CFAP298: variants seen among roughly 807,000 people sequenced by gnomAD.
CFAP298 encodes cilia- and flagella-associated protein 298.
A neutral mutation model predicts 41.0 loss-of-function variants in CFAP298; 38 were observed. The ratio of observed to expected loss-of-function variants is 0.93; its 90% CI spans 0.72 to 1.22. The LOEUF (loss-of-function observed/expected upper bound fraction) is 1.22. Among genes scored for constraint, CFAP298 ranks in the 50% most tolerant of loss-of-function variants. The probability of loss-of-function intolerance (pLI) is 0.00; values close to 1 mark genes in which losing one functional copy is unlikely to be tolerated. For missense variants in CFAP298, 348 were observed against 360.3 expected (o/e 0.97, Z 0.28); for synonymous variants, 137 against 135.3 (o/e 1.01, Z -0.09).
intron 3 of CFAP298, among the ~76,000 whole-genome samples, chr21:32,604,995 A>G (rs1171663955): frequency 6.6e-6 from 1 of 152,254 alleles, no homozygotes; most frequent in Non-Finnish European, 1.5e-5. Flanking sequence ...CCTGGCCAAC[A>G]TGGCAAAGCC....
At chr21:32,602,765 C>T (rs898668676) in intron 5 of CFAP298, 8 of 1,313,494 alleles carry the variant, frequency 6.1e-6, no homozygotes, top group Non-Finnish European at 7.7e-6. Context: ...GGTTACAGCG[C>T]TACACGATGT....
At position 32,600,541 on chromosome 21, in the gene CFAP298, C is replaced by T. The variant is rs543149207; in HGVS notation, c.*1322G>A. 2.7e-5 allele frequency among the ~76,000 whole-genome samples: 4 copies of T among 149,532 alleles called. No individual in the cohort carries two copies. In the East Asian group the frequency reaches 7.7e-4, roughly 29 times the overall value. On this transcript the variant is annotated 3_prime_UTR_variant, in exon 7 of 7. Coordinates refer to ENST00000290155, the MANE Select transcript of CFAP298 (RefSeq NM_021254.4). The stretch of plus-strand genomic sequence containing the variant: ...ACCAAGTTCCCTCTAACCAGGAGAA[C>T]AGGACCCTAGGCACCAAAAGTCAAG...
intron 5 of CFAP298, 139 bp from the exon 6 acceptor site, chr21:32,602,506 G>A: frequency 6.9e-7 from 1 of 1,445,592 alleles, no homozygotes; most frequent in African/African-American, 1.4e-5. Context: ...CACCCGAAGT[G>A]AAGCATCAAG....
chr21:32,600,611 C>T lies in CFAP298; in HGVS notation c.*1252G>A, dbSNP rs946305397. Among the ~76,000 whole-genome samples the T allele has an allele frequency of 1.3e-5, 2 of 148,756 alleles. No homozygotes were observed. The highest frequency in any genetic ancestry group is 3.0e-5 in the Non-Finnish European group (2 of 67,034). Reference sequence around the variant, plus strand: ...CAGTCTGGCAGGTGTCTTTCAGATGCTAAAGTGCCAGGGTTTGCAGGATAC... The same window carrying T: ...CAGTCTGGCAGGTGTCTTTCAGATGTTAAAGTGCCAGGGTTTGCAGGATAC... On this transcript the variant is annotated 3_prime_UTR_variant, in exon 7 of 7. Transcript: ENST00000290155.
intron 5 of CFAP298, chr21:32,602,725 G>A: frequency 1.6e-6 from 2 of 1,253,076 alleles, no homozygotes; most frequent in Non-Finnish European, 2.0e-6. Context: ...AGTGACGTAG[G>A]AGCACCCACA....
At chr21:32,602,474 A>G in intron 5 of CFAP298, 107 bp from the exon 6 acceptor site, 2 of 1,482,526 alleles carry the variant, frequency 1.3e-6, no homozygotes, top group Non-Finnish European at 8.9e-7. Context: ...TACTAAAGAT[A>G]AACAGGTCCC....
rs564917513 is a variant in CFAP298, at chr21:32,601,498, C to T, written c.*365G>A. Among the ~76,000 whole-genome samples, 7 of 151,968 alleles carry T rather than the reference C, an allele frequency of 4.6e-5. No individual in the cohort carries two copies. In the South Asian group the frequency reaches 1.2e-3, roughly 27 times the overall value. On this transcript the variant is annotated 3_prime_UTR_variant, in exon 7 of 7. Transcript: ENST00000290155. Reference sequence around the variant, plus strand: ...ATTTTTAGTAGAGACGGGGTTTCACCGTGTTAGCCTGGATGGTCTTGATCT... The same window carrying T: ...ATTTTTAGTAGAGACGGGGTTTCACTGTGTTAGCCTGGATGGTCTTGATCT...
rs1342922630 is a variant in CFAP298 at position 32,612,190 on chromosome 21, C to A, written c.54G>T (p.Ala18=). ...GCTCCTCCAGCTCGGTACTCCCAGG[C>A]GCCTGCAGCAGGAACTGGCTCTCGT... ...RGDESQFLLQ[A]PGSTELEELT... Residue 18 remains alanine (A), a synonymous_variant, in exon 1 of 7, where the codon GCG becomes GCT. Coordinates refer to ENST00000290155, the MANE Select transcript of CFAP298 (RefSeq NM_021254.4). 2 of 1,606,466 alleles carry A rather than the reference C, an allele frequency of 1.2e-6. No homozygotes were observed. Among genetic ancestry groups the A allele is most frequent in the South Asian group, 1.1e-5 (1 of 89,500 alleles).
chr21:32,604,056 G>T lies in CFAP298; in HGVS notation c.534+69C>A. 3.5e-6 allele frequency: 5 copies of T among 1,438,502 alleles called. No individual in the cohort carries two copies. The South Asian group carries it at 6.0e-5, about 17-fold the overall frequency. The allele number at this position is 1,438,502 out of a possible 1,614,324, so 89.1% of individuals were successfully genotyped here. ...GCAAAACACTACATCCAGAAGAGGG[G>T]CATCAAATCTTAAGGGCTTTGGGGG... is the stretch of plus-strand genomic sequence containing the variant. On this transcript the variant is annotated intron_variant, in intron 4 of 6. Transcript: ENST00000290155.
chr21:32,605,161 A>G (rs964763096), intron 3 of CFAP298, among the ~76,000 whole-genome samples: 3 of 152,204 alleles, frequency 2.0e-5, no homozygotes, highest in Non-Finnish European at 4.4e-5. Flanking sequence ...CTTGGGCAAC[A>G]GAATAAGACT....
At chr21:32,609,432 A>G (rs1183631934) in intron 2 of CFAP298, among the ~76,000 whole-genome samples, 1 of 152,228 alleles carries the variant, frequency 6.6e-6, no homozygotes, top group Non-Finnish European at 1.5e-5. Flanking sequence ...GGAGCTACAG[A>G]GTACAGTATT....
intron 3 of CFAP298, among the ~76,000 whole-genome samples, chr21:32,607,203 AC>A (rs2038883977): frequency 6.6e-6 from 1 of 152,162 alleles, no homozygotes; most frequent in Non-Finnish European, 1.5e-5. Flanking sequence ...GCTACAGCCT[AC>A]CCCAAATACG....
intron 4 of CFAP298, 39 bp downstream of exon 4, chr21:32,604,086 G>A: frequency 6.3e-7 from 1 of 1,597,434 alleles, no homozygotes; most frequent in African/African-American, 1.3e-5. Flanking sequence ...TGGGGGCCAG[G>A]AACTCAACCT....
chr21:32,612,161 G>A lies in CFAP298; in HGVS notation c.83C>T (p.Thr28Met). The A allele has an allele frequency of 6.3e-7, 1 of 1,592,972 alleles. No individual in the cohort carries two copies. Among genetic ancestry groups the A allele is most frequent in the Non-Finnish European group, 8.5e-7 (1 of 1,170,362 alleles). Residue 28 changes from threonine (T) to methionine (M), a missense_variant, in exon 1 of 7, where the codon ACG becomes ATG. Transcript: ENST00000290155. ...ATTATAGACCCGGGCCACCTGCACCGTGAGCTCCTCCAGCTCGGTACTCCC... is the reference window on the plus strand; with the variant it reads ...ATTATAGACCCGGGCCACCTGCACCATGAGCTCCTCCAGCTCGGTACTCCC... ...APGSTELEEL[T>M]VQVARVYNGR...
chr21:32,601,707 A>C lies in CFAP298; in HGVS notation c.*156T>G. On this transcript the variant is annotated 3_prime_UTR_variant, in exon 7 of 7. Coordinates refer to ENST00000290155, the MANE Select transcript of CFAP298 (RefSeq NM_021254.4). ...GTATTTATTAAGTTCTAAAACCTTG[A>C]ATAACTGCTATTTTAAAAATTCACA... 1.8e-6 allele frequency: 1 copy of C among 566,556 alleles called. No individual in the cohort carries two copies. Among genetic ancestry groups the C allele is most frequent in the Middle Eastern group, 4.7e-4 (1 of 2,126 alleles). The allele number at this position is 566,556 out of a possible 1,614,324, so 35.1% of individuals were successfully genotyped here.
In CFAP298 at chr21:32,604,181, G is replaced by A. The variant is rs2038814637; in HGVS notation, c.478C>T (p.Pro160Ser). The A allele has an allele frequency of 6.2e-7, 1 of 1,614,122 alleles. No homozygotes were observed. Among genetic ancestry groups the A allele is most frequent in the Non-Finnish European group, 8.5e-7 (1 of 1,180,002 alleles). Reference protein sequence around the residue: ...VMIVYPMGLPPYDPIRMEFEN... With the variant: ...VMIVYPMGLPSYDPIRMEFEN... ...AACTCCATGCGGATGGGATCATACGGTGGCAACCCCATGGGGTAAACAATC... is the reference window on the plus strand; with the variant it reads ...AACTCCATGCGGATGGGATCATACGATGGCAACCCCATGGGGTAAACAATC... The change falls in exon 4 of 7, where the codon CCG becomes TCG. Residue 160 changes from proline (P) to serine (S), a missense_variant. Physicochemically the swap from Pro to Ser is moderately conservative, Grantham distance 74 (BLOSUM62 -1). Transcript: ENST00000290155.
At position 32,601,273 on chromosome 21, in the gene CFAP298, GA is replaced by G. The variant is rs538262377; in HGVS notation, c.*589del. ...CATGAGAATATAAAACAATCAGGAA[GA>G]AAAAAAAGTGTAGCTTTTTTTTTTT... On this transcript the variant is annotated 3_prime_UTR_variant, in exon 7 of 7. Transcript: ENST00000290155. 2.7e-3 allele frequency among the ~76,000 whole-genome samples: 338 copies of G among 124,056 alleles called. 4 individuals carry two copies. The highest frequency in any genetic ancestry group is 8.7e-3 in the African/African-American group (302 of 34,580). 81.4% of individuals were successfully genotyped at this position (124,056 alleles called of 152,430 possible).
chr21:32,603,618 C>T lies in CFAP298; in HGVS notation c.535-326G>A, dbSNP rs894547956. ...CTGGCATCGTGCTGGGTGTTTAAAT[C>T]GAGGTATAAAGGGGCTGCCTGTTTA... is the stretch of plus-strand genomic sequence containing the variant. On this transcript the variant is annotated intron_variant, in intron 4 of 6. Transcript: ENST00000290155. Among the ~76,000 whole-genome samples, 7 of 152,244 alleles carry T rather than the reference C, an allele frequency of 4.6e-5. No homozygotes were observed. In the South Asian group the frequency reaches 1.2e-3, roughly 27 times the overall value.
rs576056980 is a variant in CFAP298 at position 32,600,640 on chromosome 21, G to A, written c.*1223C>T. Among the ~76,000 whole-genome samples, 1 of 152,340 alleles carries A rather than the reference G, an allele frequency of 6.6e-6. No individual in the cohort carries two copies. Among genetic ancestry groups the A allele is most frequent in the African/African-American group, 2.4e-5 (1 of 41,576 alleles). ...AGTGCCAGGGTTTGCAGGATACTTGGATGGTTTACAGTGATGATGAGTTGG... is the reference window on the plus strand; with the variant it reads ...AGTGCCAGGGTTTGCAGGATACTTGAATGGTTTACAGTGATGATGAGTTGG... On this transcript the variant is annotated 3_prime_UTR_variant, in exon 7 of 7. Transcript: ENST00000290155.
Sources: gnomAD v4.1 joint callset for allele counts (sites outside exome capture counted in the v4.1 genomes callset) on GRCh38, gnomAD v4.1.1 for gene constraint, MANE v1.5 for transcripts, NCBI Gene and HGNC (gene_info 2026-07-23, HGNC 2026-07-21) for gene names.